The following CCDC80 variants were observed in gnomAD, a reference collection of about 807,000 sequenced individuals.
The protein encoded by CCDC80 is coiled-coil domain-containing protein 80.
In CCDC80, 49 loss-of-function variants were observed where a neutral mutation model predicts 78.7. The ratio of observed to expected loss-of-function variants is 0.62; its 90% CI spans 0.50 to 0.79. The LOEUF is 0.79. CCDC80 is among the 30% of genes least tolerant of loss of function. The pLI is 0.00. For synonymous variants in CCDC80, 488 were observed against 447.0 expected, an observed-to-expected ratio of 1.09 and a Z score of -1.16; for missense variants, 1,205 against 1,198.6, an observed-to-expected ratio of 1.01 and a Z score of -0.08.
Position 112,605,244 on chromosome 3 carries a change from G to A in CCDC80, c.*173C>T. On this transcript the variant is annotated 3_prime_UTR_variant, in exon 8 of 8. Coordinates refer to ENST00000206423, the MANE Select transcript of CCDC80 (RefSeq NM_199511.3). The stretch of plus-strand genomic sequence containing the variant: ...CTTTTAAATGTCTTTATGATTTGAG[G>A]TTTCAATAATAACTCATGAATAGGT... 9.8e-6 allele frequency: 5 copies of A among 511,102 alleles called. No homozygotes were observed. The highest frequency in any genetic ancestry group is 5.0e-4 in the Middle Eastern group (1 of 2,018). The allele number at this position is 511,102 out of a possible 1,614,324, so 31.7% of individuals were successfully genotyped here.
In CCDC80 at chr3:112,630,441, C is replaced by G. The variant is rs141469871; in HGVS notation, c.1879-172G>C. Among the ~76,000 whole-genome samples the G allele has an allele frequency of 3.2e-4, 48 of 152,248 alleles. No individual in the cohort carries two copies. The East Asian group carries it at 8.9e-3, about 28-fold the overall frequency. On this transcript the variant is annotated intron_variant, in intron 2 of 7. Transcript: ENST00000206423. Reference sequence around the variant, plus strand: ...ACCAAAAAGGGCCATTTGAAAAGGCCTCTTTTTGTCTCCAAGACAGCTTGG... The same window carrying G: ...ACCAAAAAGGGCCATTTGAAAAGGCGTCTTTTTGTCTCCAAGACAGCTTGG...
At chr3:112,619,872 A>G (rs909436238) in intron 3 of CCDC80, among the ~76,000 whole-genome samples, 5 of 152,230 alleles carry the variant, frequency 3.3e-5, no homozygotes, top group Non-Finnish European at 5.9e-5. Context: ...AAAGCATTTT[A>G]ACATTTTCAA....
At position 112,603,212 on chromosome 3, in the gene CCDC80, A is replaced by C. The variant is rs1935405362; in HGVS notation, c.*2205T>G. On this transcript the variant is annotated 3_prime_UTR_variant, in exon 8 of 8. Coordinates refer to ENST00000206423, the MANE Select transcript of CCDC80 (RefSeq NM_199511.3). ...ACTTTTTGAGTCTTACTGCTCAGAA[A>C]AAAAAAGAATCTTTTAAAAATATTG... 1 of 152,176 alleles carries C rather than the reference A, an allele frequency of 6.6e-6. No homozygotes were observed. The highest frequency in any genetic ancestry group is 2.1e-4 in the South Asian group (1 of 4,832). The allele number at this position is 152,176 out of a possible 1,614,324, so 9.4% of individuals were successfully genotyped here. A position where few individuals can be genotyped will look rare whatever the true frequency, so the allele number is the denominator to read the frequency against.
chr3:112,615,417 G>A (rs948671583), intron 5 of CCDC80, among the ~76,000 whole-genome samples: 5 of 152,166 alleles, frequency 3.3e-5, no homozygotes, highest in Admixed American at 2.0e-4. Flanking sequence ...TTGATACTGG[G>A]ACCTCTGTAA....
At position 112,609,966 on chromosome 3, in the gene CCDC80, C is replaced by T. The variant is rs1056255983; in HGVS notation, c.2425+12G>A. On this transcript the variant is annotated intron_variant, in intron 6 of 7. Coordinates refer to ENST00000206423, the MANE Select transcript of CCDC80 (RefSeq NM_199511.3). ...GTATGGGAAAGCAGTAATGAGGTGGCTTCCCACTCACCAAAATTGCACGCC... is the reference window on the plus strand; with the variant it reads ...GTATGGGAAAGCAGTAATGAGGTGGTTTCCCACTCACCAAAATTGCACGCC... 5.6e-6 allele frequency: 9 copies of T among 1,596,106 alleles called. No individual in the cohort carries two copies. The highest frequency in any genetic ancestry group is 7.7e-6 in the Non-Finnish European group (9 of 1,165,032).
At chr3:112,628,631 C>T (rs1936028583) in intron 3 of CCDC80, among the ~76,000 whole-genome samples, 2 of 152,174 alleles carry the variant, frequency 1.3e-5, no homozygotes, top group African/African-American at 4.8e-5. Context: ...GGATTTAAAT[C>T]TGTCTGTCTC....
In CCDC80 at chr3:112,638,433, T is replaced by C. The variant is rs376955776; in HGVS notation, c.1473A>G (p.Lys491=). Residue 491 remains lysine, a synonymous_variant, in exon 2 of 8, where the codon AAA becomes AAG. Transcript: ENST00000206423. ...TGTCCTGGGCCTTCTTTTTGGGAGG[T>C]TTCTCCTTTGCTGGCTTGGGAGGAC... is the stretch of plus-strand genomic sequence containing the variant. ...VPGPPKPAKE[K]PPKKKAQDKI... is the part of the protein sequence containing the mutation. The C allele has an allele frequency of 2.5e-6, 4 of 1,613,608 alleles. No homozygotes were observed. The highest frequency in any genetic ancestry group is 1.3e-5 in the African/African-American group (1 of 74,820).
chr3:112,640,031 G>A, intron 1 of CCDC80, 115 bp from the exon 2 acceptor site: 3 of 1,441,930 alleles, frequency 2.1e-6, no homozygotes, highest in East Asian at 2.5e-5. Flanking sequence ...CAAGGGGAGG[G>A]GAAAAGGTTG....
intron 2 of CCDC80, among the ~76,000 whole-genome samples, chr3:112,631,791 G>A (rs866397205): frequency 3.3e-5 from 5 of 151,938 alleles, no homozygotes; most frequent in African/African-American, 1.2e-4. Context: ...AATTCTCCCC[G>A]CATGACAAAA....
chr3:112,606,287 A>C (rs1202983051), intron 7 of CCDC80, among the ~76,000 whole-genome samples: 1 of 152,270 alleles, frequency 6.6e-6, no homozygotes, highest in Non-Finnish European at 1.5e-5. Flanking sequence ...TGACACTTTC[A>C]AGTCTGCTGT....
At chr3:112,637,217 C>G (rs1454929460) in intron 2 of CCDC80, among the ~76,000 whole-genome samples, 1 of 152,198 alleles carries the variant, frequency 6.6e-6, no homozygotes, top group African/African-American at 2.4e-5. Flanking sequence ...CATGCACATA[C>G]ACATTTTACA....
In CCDC80 at chr3:112,605,359, CAT is replaced by C; in HGVS notation, c.*56_*57del. ...CAGTGTGGAAGAATGGAGCTGGCCA[CAT>C]GTAGTTTTAGCAGCTGCAGAGGAAA... On this transcript the variant is annotated 3_prime_UTR_variant, in exon 8 of 8. Coordinates refer to ENST00000206423, the MANE Select transcript of CCDC80 (RefSeq NM_199511.3). The C allele has an allele frequency of 5.9e-6, 7 of 1,188,794 alleles. No individual in the cohort carries two copies. The highest frequency in any genetic ancestry group is 7.3e-6 in the Non-Finnish European group (6 of 822,588). 73.6% of individuals were successfully genotyped at this position (1,188,794 alleles called of 1,614,324 possible).
At chr3:112,639,957 A>G (rs770889520) in intron 1 of CCDC80, 41 bp from the exon 2 acceptor site, 118 of 1,550,366 alleles carry the variant, frequency 7.6e-5, no homozygotes, top group Middle Eastern at 5.3e-4. Context: ...GGGGAGGGGG[A>G]AAAAAGAAAG....
At chr3:112,619,190 T>C in intron 3 of CCDC80, 86 bp from the exon 4 acceptor site, 1 of 1,249,794 alleles carries the variant, frequency 8.0e-7, no homozygotes, top group Admixed American at 3.2e-5. Context: ...TTGGGCCTAA[T>C]CACACCAGCC....
intron 2 of CCDC80, among the ~76,000 whole-genome samples, chr3:112,633,650 C>T (rs534636268): frequency 2.0e-5 from 3 of 152,254 alleles, no homozygotes; most frequent in Admixed American, 6.5e-5. Context: ...ATGCAGGCTA[C>T]GACTTTACCA....
rs144566420 is a variant in CCDC80 at position 112,625,991 on chromosome 3, T to C, written c.2035+4122A>G. Among the ~76,000 whole-genome samples the C allele has an allele frequency of 6.9e-3, 1,050 of 152,340 alleles. 18 individuals carry two copies. Among genetic ancestry groups the C allele is most frequent in the South Asian group, 0.056 (271 of 4,830 alleles). On this transcript the variant is annotated intron_variant, in intron 3 of 7. Coordinates refer to ENST00000206423, the MANE Select transcript of CCDC80 (RefSeq NM_199511.3). Reference sequence around the variant, plus strand: ...ACCTACTTTTCAAAATTCTCTGATATTTTCAATACCTTATCTGATGACTAC... The same window carrying C: ...ACCTACTTTTCAAAATTCTCTGATACTTTCAATACCTTATCTGATGACTAC...
At position 112,639,718 on chromosome 3, in the gene CCDC80, C is replaced by T; in HGVS notation, c.188G>A (p.Arg63Lys). 1 of 1,614,214 alleles carries T rather than the reference C, an allele frequency of 6.2e-7. No homozygotes were observed. The highest frequency in any genetic ancestry group is 8.5e-7 in the Non-Finnish European group (1 of 1,180,040). ...RHTGRSRGIERSTLEEPNLQP... is the reference protein window; with the variant it reads ...RHTGRSRGIEKSTLEEPNLQP... ...AAGGTTTGGTTCCTCCAGAGTGGAT[C>T]TCTCAATTCCGCGAGACCTCCCAGT... is the stretch of plus-strand genomic sequence containing the variant. Residue 63 changes from arginine (R) to lysine (K), a missense_variant, in exon 2 of 8, where the codon AGA (arginine) becomes AAA (lysine). Coordinates refer to ENST00000206423, the MANE Select transcript of CCDC80 (RefSeq NM_199511.3).
In CCDC80 at chr3:112,627,086, C is replaced by T. The variant is rs554692157; in HGVS notation, c.2035+3027G>A. Among the ~76,000 whole-genome samples, 9 of 152,272 alleles carry T rather than the reference C, an allele frequency of 5.9e-5. No individual in the cohort carries two copies. The South Asian group carries it at 1.2e-3, about 21-fold the overall frequency. On this transcript the variant is annotated intron_variant, in intron 3 of 7. Coordinates refer to ENST00000206423, the MANE Select transcript of CCDC80 (RefSeq NM_199511.3). ...ATGCCAATGTTAAAATATTTTTCATCTCTAAATATTGCTAAGAAAGAAACA... is the reference window on the plus strand; with the variant it reads ...ATGCCAATGTTAAAATATTTTTCATTTCTAAATATTGCTAAGAAAGAAACA...
chr3:112,639,024 C>A lies in CCDC80; in HGVS notation c.882G>T (p.Gly294=), dbSNP rs764417367. The change falls in exon 2 of 8, where the codon GGG becomes GGT. Residue 294 remains glycine (G), a synonymous_variant. Transcript: ENST00000206423. ...SGVEGQVVAE[G]NDGGGGAGRP... ...TTCCTGCTCCCCCTCCACCGTCATT[C>A]CCCTCCGCCACCACCTGGCCCTCTA... The A allele has an allele frequency of 7.5e-6, 12 of 1,609,548 alleles. No homozygotes were observed. Among genetic ancestry groups the A allele is most frequent in the South Asian group, 1.1e-5 (1 of 90,994 alleles).
Sources: gnomAD v4.1 joint callset for allele counts (sites outside exome capture counted in the v4.1 genomes callset) on GRCh38, gnomAD v4.1.1 for gene constraint, MANE v1.5 for transcripts, NCBI Gene and HGNC (gene_info 2026-07-23, HGNC 2026-07-21) for gene names.